Variants in PKD2 observed in about 807,000 individuals in gnomAD.
PKD2 encodes polycystin-2.
Under a neutral mutation model 105.9 loss-of-function variants are expected in PKD2, and 48 were observed. The observed-to-expected ratio is 0.45, with a 90% CI of 0.36 to 0.58. PKD2 has a LOEUF of 0.58. PKD2 is among the 20% of genes least tolerant of loss of function. PKD2 has a pLI of 0.00. For missense variants in PKD2, 1,078 were observed against 1,255.3 expected, an observed-to-expected ratio of 0.86 and a Z score of 2.13; for synonymous variants, 464 against 481.1, an observed-to-expected ratio of 0.96 and a Z score of 0.46.
intron 1 of PKD2, among the ~76,000 whole-genome samples, chr4:88,012,750 G>T (rs764864960): frequency 6.6e-6 from 1 of 151,860 alleles, no homozygotes; most frequent in Non-Finnish European, 1.5e-5. Context: ...TGCCCCAGAC[G>T]CTAGTAACCT....
In PKD2 at chr4:88,052,097, C is replaced by A. The variant is rs1448009161; in HGVS notation, c.1655C>A (p.Ala552Glu). The A allele has an allele frequency of 1.2e-6, 2 of 1,606,920 alleles. No individual in the cohort carries two copies. The highest frequency in any genetic ancestry group is 8.5e-7 in the Non-Finnish European group (1 of 1,173,782). ...ACTTTCCCCAACTTTGAGCATCTGG[C>A]ATATTGGCAGATACAGTTCAACAAT... is the stretch of plus-strand genomic sequence containing the variant. ...QNTFPNFEHL[A>E]YWQIQFNNIA... The change falls in exon 7 of 15, where the codon GCA becomes GAA. Residue 552 changes from alanine to glutamate, a missense_variant. Ala to Glu is a moderately radical substitution (Grantham distance 107). Coordinates refer to ENST00000237596, the MANE Select transcript of PKD2 (RefSeq NM_000297.4).
chr4:88,008,174 G>A lies in PKD2; in HGVS notation c.441G>A (p.Ala147=), dbSNP rs866815144. 2.3e-4 allele frequency: 316 copies of A among 1,396,008 alleles called. 2 individuals are homozygous for A. The African/African-American group carries it at 3.3e-3, about 14-fold the overall frequency. The allele number at this position is 1,396,008 out of a possible 1,614,324, so 86.5% of individuals were successfully genotyped here. The change falls in exon 1 of 15, where the codon GCG becomes GCA. Residue 147 remains alanine, a synonymous_variant. Coordinates refer to ENST00000237596, the MANE Select transcript of PKD2 (RefSeq NM_000297.4). Reference sequence around the variant, plus strand: ...GGGGGCTTGGGGGCTACCACGGCGCGGGCCACCCGAGCGGGAGGCGGCGCC... The same window carrying A: ...GGGGGCTTGGGGGCTACCACGGCGCAGGCCACCCGAGCGGGAGGCGGCGCC... ...RSRGLGGYHG[A]GHPSGRRRRR... is the part of the protein sequence containing the mutation.
chr4:88,063,978 A>C (rs1560625228), intron 10 of PKD2, among the ~76,000 whole-genome samples: 1 of 152,124 alleles, frequency 6.6e-6, no homozygotes. Context: ...AACATGATGA[A>C]ACCCCGTCTC....
At chr4:88,014,362 A>G (rs1219349600) in intron 1 of PKD2, among the ~76,000 whole-genome samples, 1 of 152,072 alleles carries the variant, frequency 6.6e-6, no homozygotes, top group Non-Finnish European at 1.5e-5. Flanking sequence ...TTAAGAATTC[A>G]GGATTCAGGC....
intron 13 of PKD2, among the ~76,000 whole-genome samples, chr4:88,070,593 T>TAG (rs1231949190): frequency 0.012 from 1,339 of 108,300 alleles, 5 homozygotes; most frequent in South Asian, 0.018. Flanking sequence ...TATATATATA[T>TAG]ATATATATAG....
At chr4:88,070,601 T>TATATATATATATAGAG (rs1313482750) in intron 13 of PKD2, among the ~76,000 whole-genome samples, 6 of 91,482 alleles carry the variant, frequency 6.6e-5, no homozygotes, top group African/African-American at 1.7e-4. Flanking sequence ...TATATATATA[T>TATATATATATATAGAG]AGAGAGAGAG....
At chr4:88,058,697 ATAAT>A (rs1431101579) in intron 9 of PKD2, among the ~76,000 whole-genome samples, 1 of 152,216 alleles carries the variant, frequency 6.6e-6, no homozygotes, top group Admixed American at 6.5e-5. Flanking sequence ...GAATATTCAA[ATAAT>A]TAAGTTTAAA....
intron 4 of PKD2, among the ~76,000 whole-genome samples, chr4:88,041,692 A>G (rs1727570866): frequency 6.6e-6 from 1 of 152,176 alleles, no homozygotes. Context: ...CCCGACTCTC[A>G]GAAGGAAAGC....
intron 13 of PKD2, among the ~76,000 whole-genome samples, chr4:88,069,944 A>C (rs1192178499): frequency 6.6e-6 from 1 of 152,228 alleles, no homozygotes; most frequent in Non-Finnish European, 1.5e-5. Flanking sequence ...AAATCAGTTA[A>C]GGAACAAAAG....
chr4:88,049,683 C>T (rs1223819044), intron 6 of PKD2, among the ~76,000 whole-genome samples: 1 of 152,136 alleles, frequency 6.6e-6, no homozygotes, highest in Admixed American at 6.5e-5. Flanking sequence ...AGACCCAACG[C>T]TTTTTGTTTT....
At chr4:88,017,661 C>T (rs1291560270) in intron 1 of PKD2, among the ~76,000 whole-genome samples, 2 of 152,196 alleles carry the variant, frequency 1.3e-5, no homozygotes, top group African/African-American at 2.4e-5. Context: ...CTACCCGCCT[C>T]ACCCTCCCAA....
chr4:88,014,791 G>T (rs563165716), intron 1 of PKD2, among the ~76,000 whole-genome samples: 6 of 152,332 alleles, frequency 3.9e-5, no homozygotes, highest in South Asian at 4.1e-4. Context: ...GACCAACTGG[G>T]CCTCCTAAGG....
In PKD2 at chr4:88,043,589, G is replaced by GACC. The variant is rs1727660749; in HGVS notation, c.1319+132_1319+133insACC. ...GCCAAGGACCCAGACGGATAGCAAGGGAGGGGTAAAAACTGAAGGCTTACC... is the reference window on the plus strand; with the variant it reads ...GCCAAGGACCCAGACGGATAGCAAGGACCGAGGGGTAAAAACTGAAGGCTTACC... On this transcript the variant is annotated intron_variant, in intron 5 of 14. Transcript: ENST00000237596. 7 of 653,294 alleles carry GACC rather than the reference G, an allele frequency of 1.1e-5. No individual in the cohort carries two copies. In the Admixed American group the frequency reaches 1.8e-4, roughly 17 times the overall value. 40.5% of individuals were successfully genotyped at this position (653,294 alleles called of 1,614,324 possible).
At chr4:88,034,996 A>G (rs1391095392) in intron 2 of PKD2, among the ~76,000 whole-genome samples, 2 of 152,226 alleles carry the variant, frequency 1.3e-5, no homozygotes, top group Non-Finnish European at 2.9e-5. Context: ...TTAAGGAGGA[A>G]GAGCCACCAT....
At chr4:88,033,537 C>G (rs1319843040) in intron 2 of PKD2, among the ~76,000 whole-genome samples, 1 of 152,110 alleles carries the variant, frequency 6.6e-6, no homozygotes, top group Non-Finnish European at 1.5e-5. Context: ...GTTGCTTGCC[C>G]TTGGTGAAGC....
chr4:88,010,072 A>C (rs1218051745), intron 1 of PKD2, among the ~76,000 whole-genome samples: 1 of 152,044 alleles, frequency 6.6e-6, no homozygotes, highest in African/African-American at 2.4e-5. Context: ...GATTTGTAGG[A>C]GAGCAGACTC....
At chr4:88,065,530 C>T (rs750543880) in intron 11 of PKD2, 35 bp downstream of exon 11, 19 of 1,606,508 alleles carry the variant, frequency 1.2e-5, no homozygotes, top group Non-Finnish European at 1.4e-5. Context: ...CTGAAAAATT[C>T]CTGCTTCTAA....
intron 1 of PKD2, among the ~76,000 whole-genome samples, chr4:88,008,767 G>T (rs1052942123): frequency 1.3e-5 from 2 of 152,060 alleles, no homozygotes; most frequent in Admixed American, 6.5e-5. Flanking sequence ...TTCTTGCCTG[G>T]ACACTCCATT....
chr4:88,054,936 G>C (rs1578140988), intron 7 of PKD2, among the ~76,000 whole-genome samples: 2 of 151,606 alleles, frequency 1.3e-5, no homozygotes, highest in Non-Finnish European at 1.5e-5. Flanking sequence ...TTACAGGCTT[G>C]AGCCACCACG....
Sources: gnomAD v4.1 joint callset for allele counts (sites outside exome capture counted in the v4.1 genomes callset) on GRCh38, gnomAD v4.1.1 for gene constraint, MANE v1.5 for transcripts, NCBI Gene and HGNC (gene_info 2026-07-23, HGNC 2026-07-21) for gene names.